RAB11B: variants seen among roughly 807,000 people sequenced by gnomAD.
RAB11B encodes RAB11B, member RAS oncogene family.
Under a neutral mutation model 23.7 loss-of-function variants are expected in RAB11B, and 7 were observed. That is an observed-to-expected ratio of 0.29 (90% CI 0.17 to 0.55). RAB11B has a LOEUF of 0.55. Ranked by LOEUF, RAB11B falls within the 20% of genes least tolerant of loss-of-function variation. The pLI is 0.93. For missense variants in RAB11B, 189 were observed against 320.0 expected (o/e 0.59, Z 3.12); for synonymous variants, 138 against 132.0 (o/e 1.05, Z -0.31).
Position 8,392,685 on chromosome 19 carries a change from C to CTTTTTTTTTTTT in RAB11B, c.40+2240_40+2251dup, listed in dbSNP as rs74176644. ...ATATTTTTCTTTTCCTTTTTCTTTTCTTTTTTTTTTTTTTTTTTTTTTGAG... is the reference window on the plus strand; with the variant it reads ...ATATTTTTCTTTTCCTTTTTCTTTTCTTTTTTTTTTTTTTTTTTTTTTTTTTTTTTTTTTGAG... On this transcript the variant is annotated intron_variant, in intron 1 of 4. Transcript: ENST00000328024. Among the ~76,000 whole-genome samples, 233 of 79,612 alleles carry CTTTTTTTTTTTT rather than the reference C, an allele frequency of 2.9e-3. 25 individuals are homozygous for CTTTTTTTTTTTT. Among genetic ancestry groups the CTTTTTTTTTTTT allele is most frequent in the East Asian group, 4.0e-3 (12 of 3,012 alleles). 52.2% of individuals were successfully genotyped at this position (79,612 alleles called of 152,430 possible). A position where few individuals can be genotyped will look rare whatever the true frequency, so the allele number is the denominator to read the frequency against.
In RAB11B at chr19:8,400,062, C is replaced by T. The variant is rs916190479; in HGVS notation, c.236+4C>T. On this transcript the variant is annotated splice_donor_region_variant and intron_variant, in intron 2 of 4. Transcript: ENST00000328024. ...GCTACCGCGCCATCACCTCCGCGTG[C>T]GTGTCGGCAGCCTGGGCAGGGACGC... The T allele has an allele frequency of 4.4e-6, 7 of 1,606,840 alleles. 1 individual carries two copies. The highest frequency in any genetic ancestry group is 3.3e-5 in the South Asian group (3 of 90,980).
chr19:8,391,719 C>A (rs966279761), intron 1 of RAB11B, among the ~76,000 whole-genome samples: 9 of 152,074 alleles, frequency 5.9e-5, no homozygotes, highest in Admixed American at 3.3e-4. Context: ...CTCGCTGAGC[C>A]GTTCCTCCGA....
chr19:8,391,888 C>T (rs78891200), intron 1 of RAB11B, among the ~76,000 whole-genome samples: 2,240 of 151,978 alleles, frequency 0.015, 63 homozygotes, highest in African/African-American at 0.051. Context: ...CTACAAGGGC[C>T]TAGAGTCGTC....
intron 2 of RAB11B, among the ~76,000 whole-genome samples, chr19:8,401,477 C>T (rs903172143): frequency 6.6e-5 from 10 of 151,622 alleles, no homozygotes; most frequent in African/African-American, 2.4e-4. Flanking sequence ...CCCCCGCCCC[C>T]CAGGGTTCAA....
chr19:8,393,345 C>T (rs1389724410), intron 1 of RAB11B, among the ~76,000 whole-genome samples: 2 of 152,132 alleles, frequency 1.3e-5, no homozygotes, highest in African/African-American at 4.8e-5. Flanking sequence ...CCTGGCCAAT[C>T]AGGGCTCACC....
intron 1 of RAB11B, 104 bp downstream of exon 1, chr19:8,390,560 G>A (rs1599683117): frequency 8.1e-7 from 1 of 1,232,202 alleles, no homozygotes; most frequent in East Asian, 3.3e-5. Context: ...GGAGCCCGGG[G>A]CTTGGGGCCC....
chr19:8,390,578 C>T (rs936057730), intron 1 of RAB11B, 122 bp downstream of exon 1: 33 of 1,126,474 alleles, frequency 2.9e-5, no homozygotes, highest in East Asian at 6.7e-5. Flanking sequence ...CCCGGCGGGT[C>T]AGGCAGCCGG....
intron 1 of RAB11B, among the ~76,000 whole-genome samples, chr19:8,390,932 C>T (rs1325210824): frequency 1.4e-5 from 1 of 73,582 alleles, no homozygotes; most frequent in African/African-American, 5.6e-5. Context: ...ATTGGGGCAG[C>T]GTGTTTGGGG....
intron 1 of RAB11B, 88 bp downstream of exon 1, chr19:8,390,544 C>G (rs567780309): frequency 1.5e-6 from 2 of 1,291,706 alleles, no homozygotes; most frequent in Admixed American, 8.3e-5. Context: ...CCGCTGGGCC[C>G]AGGCCGGAGC....
At chr19:8,399,822 G>A in intron 1 of RAB11B, 41 bp from the exon 2 acceptor site, 1 of 1,596,846 alleles carries the variant, frequency 6.3e-7, no homozygotes, top group South Asian at 1.1e-5. Flanking sequence ...GCAGTCGTGG[G>A]TGGAGTGTGG....
At chr19:8,392,461 GT>G (rs1971362818) in intron 1 of RAB11B, among the ~76,000 whole-genome samples, 2 of 150,068 alleles carry the variant, frequency 1.3e-5, no homozygotes, top group South Asian at 2.1e-4. Context: ...GCGGTGTGGG[GT>G]GGGGGGGGGC....
At chr19:8,391,432 C>T (rs574237804) in intron 1 of RAB11B, among the ~76,000 whole-genome samples, 34 of 152,344 alleles carry the variant, frequency 2.2e-4, no homozygotes, top group Non-Finnish European at 3.8e-4. Context: ...CTTCCCCGCC[C>T]GAGGGACTGA....
At chr19:8,393,871 G>A (rs1971377128) in intron 1 of RAB11B, among the ~76,000 whole-genome samples, 1 of 152,246 alleles carries the variant, frequency 6.6e-6, no homozygotes, top group Admixed American at 6.5e-5. Flanking sequence ...AGGGCACCTA[G>A]GACTTCTCAG....
Position 8,399,994 on chromosome 19 carries a change from A to G in RAB11B, c.172A>G (p.Lys58Glu). The change falls in exon 2 of 5, where the codon AAG becomes GAG. Residue 58 changes from lysine (K) to glutamate (E), a missense_variant. Transcript: ENST00000328024. ...FATRSIQVDG[K>E]TIKAQIWDTA... The stretch of plus-strand genomic sequence containing the variant: ...CACCCGCAGCATCCAGGTGGACGGC[A>G]AGACCATCAAGGCGCAGATCTGGGA... 1 of 1,614,190 alleles carries G rather than the reference A, an allele frequency of 6.2e-7. No homozygotes were observed. The highest frequency in any genetic ancestry group is 8.5e-7 in the Non-Finnish European group (1 of 1,180,008).
chr19:8,400,241 C>T lies in RAB11B; in HGVS notation c.236+183C>T. ...TGGGACCCTCAGGCTGACCAGCGCC[C>T]AGCCTTCGCCACACCAGGGTATCTC... On this transcript the variant is annotated intron_variant, in intron 2 of 4. Transcript: ENST00000328024. The T allele has an allele frequency of 5.5e-6, 4 of 723,458 alleles. No homozygotes were observed. In the Admixed American group the frequency reaches 8.2e-5, roughly 15 times the overall value. 44.8% of individuals were successfully genotyped at this position (723,458 alleles called of 1,614,324 possible).
In RAB11B at chr19:8,396,759, G is replaced by A. The variant is rs1971400342; in HGVS notation, c.41-3104G>A. On this transcript the variant is annotated intron_variant, in intron 1 of 4. Transcript: ENST00000328024. This position sits in a 1 kb window ranked among gnomAD's most constrained non-coding sequence, Gnocchi z 5.0. ...GGAGGGCCCTGTGGGCAGCGGGGAG[G>A]ACTGTGGCTTTTCCCCTGCGGAAGG... Among the ~76,000 whole-genome samples, 1 of 150,756 alleles carries A rather than the reference G, an allele frequency of 6.6e-6. No individual in the cohort carries two copies. Among genetic ancestry groups the A allele is most frequent in the Non-Finnish European group, 1.5e-5 (1 of 67,660 alleles).
Position 8,400,014 on chromosome 19 carries a change from C to G in RAB11B, c.192C>G (p.Ile64Met). ...ACGGCAAGACCATCAAGGCGCAGAT[C>G]TGGGACACCGCTGGCCAGGAGCGCT... Reference protein sequence around the residue: ...QVDGKTIKAQIWDTAGQERYR... With the variant: ...QVDGKTIKAQMWDTAGQERYR... The change falls in exon 2 of 5, where the codon ATC (isoleucine) becomes ATG (methionine). Residue 64 changes from isoleucine (I) to methionine (M), a missense_variant. By Grantham distance (10) the Ile-to-Met change is conservative (BLOSUM62 1). Transcript: ENST00000328024. 6.2e-7 allele frequency: 1 copy of G among 1,614,186 alleles called. No individual in the cohort carries two copies. Among genetic ancestry groups the G allele is most frequent in the Non-Finnish European group, 8.5e-7 (1 of 1,180,002 alleles).
chr19:8,392,304 G>A (rs1006090220), intron 1 of RAB11B, among the ~76,000 whole-genome samples: 1 of 152,208 alleles, frequency 6.6e-6, no homozygotes, highest in Non-Finnish European at 1.5e-5. Context: ...TTGCCCTTTA[G>A]ATTATTTCCT....
intron 1 of RAB11B, among the ~76,000 whole-genome samples, chr19:8,399,255 T>C (rs2145511023): frequency 6.6e-6 from 1 of 152,164 alleles, no homozygotes; most frequent in East Asian, 1.9e-4. Flanking sequence ...GCCCGGGTAC[T>C]TTTTGTATTT....
Sources: allele counts gnomAD v4.1 joint callset (sites outside exome capture counted in the v4.1 genomes callset), GRCh38; gene constraint gnomAD v4.1.1; non-coding constraint Gnocchi (gnomAD v3.1); transcripts MANE v1.5; gene names NCBI Gene and HGNC (gene_info 2026-07-23, HGNC 2026-07-21).